RAB3C: variants seen among roughly 807,000 people sequenced by gnomAD.
The protein encoded by RAB3C is RAB3C, member RAS oncogene family, also known as ras-related protein Rab-3C.
RAB3C carries 17 observed loss-of-function variants against 26.4 expected under a neutral mutation model. That is an observed-to-expected ratio of 0.64 (90% CI 0.44 to 0.97). RAB3C has a LOEUF of 0.97. RAB3C is among the 50% of genes least tolerant of loss of function. The pLI, the probability that RAB3C is intolerant of heterozygous loss-of-function variation, is 0.00. For synonymous variants in RAB3C, 91 were observed against 95.9 expected, an observed-to-expected ratio of 0.95 and a Z score of 0.30; for missense variants, 242 against 281.9, an observed-to-expected ratio of 0.86 and a Z score of 1.01.
chr5:58,774,637 A>G (rs990596153), intron 3 of RAB3C, among the ~76,000 whole-genome samples: 8 of 152,144 alleles, frequency 5.3e-5, no homozygotes, highest in African/African-American at 1.7e-4. Flanking sequence ...AAATACAAAC[A>G]GGGAATGGGG....
At chr5:58,787,441 AT>A (rs1410224486) in intron 3 of RAB3C, among the ~76,000 whole-genome samples, 3 of 152,074 alleles carry the variant, frequency 2.0e-5, no homozygotes, top group Admixed American at 6.6e-5. Flanking sequence ...ATTGTGGGTA[AT>A]TTTTTTCTTT....
chr5:58,814,752 T>G (rs1364158967), intron 3 of RAB3C: 2 of 152,148 alleles, frequency 1.3e-5, no homozygotes, highest in African/African-American at 4.8e-5. Flanking sequence ...CTTCCTTGCA[T>G]AGAAGAAAAG....
intron 4 of RAB3C, among the ~76,000 whole-genome samples, chr5:58,825,556 C>G (rs1334702496): frequency 6.6e-6 from 1 of 152,066 alleles, no homozygotes; most frequent in Non-Finnish European, 1.5e-5. Context: ...GATAATGGCA[C>G]AGAATAGGTC....
intron 2 of RAB3C, among the ~76,000 whole-genome samples, chr5:58,714,034 T>A (rs1235179787): frequency 6.6e-6 from 1 of 152,114 alleles, no homozygotes; most frequent in Non-Finnish European, 1.5e-5. Flanking sequence ...CACATCACAG[T>A]GAAACTACAG....
intron 4 of RAB3C, among the ~76,000 whole-genome samples, chr5:58,834,169 T>C (rs1165311841): frequency 6.6e-6 from 1 of 152,242 alleles, no homozygotes; most frequent in Middle Eastern, 3.2e-3. Flanking sequence ...TTTCATGTCA[T>C]AGATTTCAGC....
intron 3 of RAB3C, chr5:58,814,690 C>T (rs1200600150): frequency 6.6e-6 from 1 of 152,158 alleles, no homozygotes; most frequent in Non-Finnish European, 1.5e-5. Context: ...CATTCCTCTC[C>T]CTTTGTTGTC....
chr5:58,813,619 TATATATATATATATACAC>T (rs1271507654), intron 3 of RAB3C, among the ~76,000 whole-genome samples: 1,938 of 47,404 alleles, frequency 0.041, 43 homozygotes, highest in Non-Finnish European at 0.044. Flanking sequence ...TATATATATA[TATATATATATATATACAC>T]ACACACACAC....
chr5:58,821,160 C>T (rs1185636282), intron 3 of RAB3C, among the ~76,000 whole-genome samples: 1 of 152,158 alleles, frequency 6.6e-6, no homozygotes, highest in African/African-American at 2.4e-5. Flanking sequence ...TCATTAACAC[C>T]CTGGCCCCAG....
intron 3 of RAB3C, among the ~76,000 whole-genome samples, chr5:58,805,705 G>T (rs537093236): frequency 2.0e-5 from 3 of 152,160 alleles, no homozygotes; most frequent in African/African-American, 7.2e-5. Context: ...GTATGAAGAA[G>T]TGTGATTAAC....
intron 4 of RAB3C, among the ~76,000 whole-genome samples, chr5:58,835,442 G>T (rs1489666492): frequency 6.6e-6 from 1 of 152,102 alleles, no homozygotes; most frequent in Non-Finnish European, 1.5e-5. Context: ...AGCTTCCAAA[G>T]CCCCACTGTC....
chr5:58,735,200 A>G (rs10472071), intron 3 of RAB3C, among the ~76,000 whole-genome samples: 19,027 of 152,200 alleles, frequency 0.13, 1,502 homozygotes, highest in African/African-American at 0.22. Context: ...CAAAAATACG[A>G]AAAGCATAGC....
intron 3 of RAB3C, among the ~76,000 whole-genome samples, chr5:58,785,483 G>T (rs1742359155): frequency 6.6e-6 from 1 of 152,140 alleles, no homozygotes; most frequent in South Asian, 2.1e-4. Flanking sequence ...TCTACTATTT[G>T]GAATGTTCTG....
chr5:58,695,991 G>C (rs1333368041), intron 2 of RAB3C, among the ~76,000 whole-genome samples: 1 of 152,156 alleles, frequency 6.6e-6, no homozygotes, highest in Admixed American at 6.5e-5. Context: ...GGGCATCCTT[G>C]TCTTGTGCTG....
At chr5:58,750,011 T>A (rs1386541847) in intron 3 of RAB3C, among the ~76,000 whole-genome samples, 2 of 152,222 alleles carry the variant, frequency 1.3e-5, no homozygotes, top group East Asian at 3.8e-4. Flanking sequence ...TAGCCATTTC[T>A]TTTTTATCTA....
intron 3 of RAB3C, among the ~76,000 whole-genome samples, chr5:58,752,747 ATTAC>A (rs1741560056): frequency 6.6e-6 from 1 of 152,162 alleles, no homozygotes; most frequent in South Asian, 2.1e-4. Flanking sequence ...GCTCAATTTT[ATTAC>A]TTTTCATCTA....
At chr5:58,709,703 G>A (rs1749018909) in intron 2 of RAB3C, among the ~76,000 whole-genome samples, 1 of 152,092 alleles carries the variant, frequency 6.6e-6, no homozygotes, top group Non-Finnish European at 1.5e-5. Flanking sequence ...TTTGTAGCTG[G>A]CCTCTGACCC....
intron 3 of RAB3C, among the ~76,000 whole-genome samples, chr5:58,753,208 G>A (rs138260490): frequency 6.6e-6 from 1 of 152,200 alleles, no homozygotes; most frequent in East Asian, 1.9e-4. Flanking sequence ...ATTTTTAAAT[G>A]TGTCGAGGAA....
chr5:58,713,194 C>A (rs1048245594), intron 2 of RAB3C, among the ~76,000 whole-genome samples: 5 of 151,982 alleles, frequency 3.3e-5, no homozygotes, highest in African/African-American at 1.2e-4. Flanking sequence ...AACTTCAATA[C>A]CTCAGGGGCC....
intron 3 of RAB3C, among the ~76,000 whole-genome samples, chr5:58,770,117 G>A (rs1742001694): frequency 6.6e-6 from 1 of 152,128 alleles, no homozygotes; most frequent in Non-Finnish European, 1.5e-5. Context: ...CTGCCCCAGG[G>A]TGAGAGTAGG....
Sources: allele counts gnomAD v4.1 joint callset (sites outside exome capture counted in the v4.1 genomes callset), GRCh38; gene constraint gnomAD v4.1.1; transcripts MANE v1.5; gene names NCBI Gene and HGNC (gene_info 2026-07-23, HGNC 2026-07-21).